Variants in INPP4B observed in about 807,000 individuals in gnomAD.
INPP4B encodes the protein inositol polyphosphate-4-phosphatase type II B.
A neutral mutation model predicts 122.5 loss-of-function variants in INPP4B; 55 were observed. The ratio of observed to expected loss-of-function variants is 0.45; its 90% CI spans 0.36 to 0.56. INPP4B has a LOEUF of 0.56. INPP4B is among the 20% of genes least tolerant of loss of function. The pLI is 0.00. For synonymous variants in INPP4B, 403 were observed against 388.7 expected (o/e 1.04, Z -0.43); for missense variants, 1,000 against 1,097.7 (o/e 0.91, Z 1.26).
At chr4:142,270,611 A>G in intron 10 of INPP4B, 52 bp downstream of exon 10, 1 of 1,257,076 alleles carries the variant, frequency 8.0e-7, no homozygotes, top group South Asian at 1.2e-5. Flanking sequence ...GACATCTGGC[A>G]AAGCTGATCA....
intron 2 of INPP4B, among the ~76,000 whole-genome samples, chr4:142,639,348 T>C (rs1005798667): frequency 6.6e-6 from 1 of 152,162 alleles, no homozygotes; most frequent in South Asian, 2.1e-4. Context: ...ATTTTTTTCT[T>C]GAATGTTTGG....
intron 2 of INPP4B, among the ~76,000 whole-genome samples, chr4:142,527,450 G>C (rs751924152): frequency 1.8e-4 from 28 of 152,072 alleles, no homozygotes; most frequent in African/African-American, 2.4e-5. Flanking sequence ...GTAACAGTGA[G>C]AGTCAAAACT....
At chr4:142,172,477 C>T (rs747447088) in intron 16 of INPP4B, among the ~76,000 whole-genome samples, 3 of 151,894 alleles carry the variant, frequency 2.0e-5, no homozygotes, top group Non-Finnish European at 4.4e-5. Context: ...TCCCTTTTCA[C>T]GACAGAGGCA....
chr4:142,281,329 T>G (rs1436433558), intron 9 of INPP4B, among the ~76,000 whole-genome samples: 1 of 141,678 alleles, frequency 7.1e-6, no homozygotes, highest in Non-Finnish European at 1.5e-5. Flanking sequence ...TCTGGATAGA[T>G]AGCTAAGCAT....
At chr4:142,548,606 G>A (rs1727204910) in intron 2 of INPP4B, among the ~76,000 whole-genome samples, 2 of 152,100 alleles carry the variant, frequency 1.3e-5, no homozygotes, top group South Asian at 4.2e-4. Context: ...GTATGAAACA[G>A]TCATTTTGCT....
chr4:142,401,014 A>G (rs1225961222), intron 7 of INPP4B, among the ~76,000 whole-genome samples: 1 of 152,182 alleles, frequency 6.6e-6, no homozygotes, highest in Non-Finnish European at 1.5e-5. Context: ...CAGTGTTCCT[A>G]TAACTCAGCC....
chr4:142,321,768 G>T (rs926740360), intron 7 of INPP4B, among the ~76,000 whole-genome samples: 20 of 151,654 alleles, frequency 1.3e-4, no homozygotes, highest in African/African-American at 4.4e-4. Context: ...TTTATTTCTG[G>T]GTTCTCTATT....
At chr4:142,586,641 T>C (rs1736271739) in intron 2 of INPP4B, among the ~76,000 whole-genome samples, 2 of 152,134 alleles carry the variant, frequency 1.3e-5, no homozygotes, top group Admixed American at 1.3e-4. Context: ...ACACACAGGC[T>C]AGTGGTAGTA....
intron 12 of INPP4B, among the ~76,000 whole-genome samples, chr4:142,216,206 A>C (rs1034990003): frequency 6.6e-6 from 1 of 152,136 alleles, no homozygotes; most frequent in Non-Finnish European, 1.5e-5. Flanking sequence ...AATCTCATGA[A>C]TTCATTGCTT....
chr4:142,659,771 C>T (rs1204576414), intron 2 of INPP4B, among the ~76,000 whole-genome samples: 1 of 152,108 alleles, frequency 6.6e-6, no homozygotes, highest in Non-Finnish European at 1.5e-5. Flanking sequence ...CTATAGCAAA[C>T]ACTCATCTGG....
chr4:142,187,743 AC>A (rs1335318430), intron 15 of INPP4B, among the ~76,000 whole-genome samples: 4 of 151,802 alleles, frequency 2.6e-5, no homozygotes, highest in Non-Finnish European at 5.9e-5. Context: ...AAAGGCACAT[AC>A]TACCAAGCCT....
chr4:142,138,320 G>C (rs1403574037), intron 18 of INPP4B, among the ~76,000 whole-genome samples: 1 of 146,402 alleles, frequency 6.8e-6, no homozygotes, highest in Non-Finnish European at 1.5e-5. Flanking sequence ...CTCACTCATA[G>C]GTGGGAATTG....
At chr4:142,519,771 A>G (rs757350922) in intron 2 of INPP4B, among the ~76,000 whole-genome samples, 1 of 152,118 alleles carries the variant, frequency 6.6e-6, no homozygotes, top group Non-Finnish European at 1.5e-5. Context: ...TTTATCATTA[A>G]CATTTCAGAT....
chr4:142,840,724 C>T (rs1261963407), intron 1 of INPP4B, among the ~76,000 whole-genome samples: 1 of 152,056 alleles, frequency 6.6e-6, no homozygotes, highest in Non-Finnish European at 1.5e-5. Flanking sequence ...ACACTGCCAC[C>T]TAGTGCTAAA....
chr4:142,199,287 G>A (rs1839700532), intron 14 of INPP4B, among the ~76,000 whole-genome samples: 1 of 151,858 alleles, frequency 6.6e-6, no homozygotes, highest in Non-Finnish European at 1.5e-5. Flanking sequence ...ATTCTTAACT[G>A]AGGAATAAAA....
intron 2 of INPP4B, among the ~76,000 whole-genome samples, chr4:142,678,642 T>TGAAA (rs148324729): frequency 1.7e-3 from 252 of 152,040 alleles, no homozygotes; most frequent in Non-Finnish European, 3.0e-3. Flanking sequence ...AAAGGGTTAG[T>TGAAA]GAAAGAAAAA....
chr4:142,458,069 T>A (rs1815869952), intron 3 of INPP4B, among the ~76,000 whole-genome samples: 1 of 152,084 alleles, frequency 6.6e-6, no homozygotes, highest in Non-Finnish European at 1.5e-5. Flanking sequence ...CCTAAAGATC[T>A]TCAAATAGTA....
chr4:142,658,539 T>G (rs1754575659), intron 2 of INPP4B, among the ~76,000 whole-genome samples: 3 of 152,254 alleles, frequency 2.0e-5, no homozygotes, highest in Non-Finnish European at 4.4e-5. Flanking sequence ...GGAGCATGTT[T>G]GTTTGTCTCT....
intron 1 of INPP4B, among the ~76,000 whole-genome samples, chr4:142,762,000 G>C (rs1002679291): frequency 6.6e-6 from 1 of 152,056 alleles, no homozygotes. Context: ...TGATACAATT[G>C]GATGTAAAAG....
Sources: allele counts gnomAD v4.1 joint callset (sites outside exome capture counted in the v4.1 genomes callset), GRCh38; gene constraint gnomAD v4.1.1; transcripts MANE v1.5; gene names NCBI Gene and HGNC (gene_info 2026-07-23, HGNC 2026-07-21).